Variants in NINL observed in about 807,000 individuals in gnomAD.
NINL encodes ninein-like protein.
Under a neutral mutation model 160.3 loss-of-function variants are expected in NINL, and 153 were observed. The observed-to-expected ratio is 0.95, with a 90% CI of 0.84 to 1.09. NINL has a LOEUF of 1.09. Ranked by LOEUF, NINL falls within the 50% of genes least tolerant of loss-of-function variation. The probability of loss-of-function intolerance (pLI) is 0.00; values close to 1 mark genes in which losing one functional copy is unlikely to be tolerated. For synonymous variants in NINL, 800 were observed against 734.8 expected (o/e 1.09, Z -1.43); for missense variants, 1,829 against 1,764.0 (o/e 1.04, Z -0.66).
intron 1 of NINL, among the ~76,000 whole-genome samples, chr20:25,572,052 G>C (rs1698344420): frequency 6.6e-6 from 1 of 152,016 alleles, no homozygotes; most frequent in Admixed American, 6.6e-5. Flanking sequence ...CAGAAGCCTA[G>C]CACACACAGC....
chr20:25,470,772 A>G lies in NINL; in HGVS notation c.3249-677T>C, dbSNP rs138109042. 4.7e-3 allele frequency among the ~76,000 whole-genome samples: 722 copies of G among 152,264 alleles called. 2 individuals carry two copies. Among genetic ancestry groups the G allele is most frequent in the Middle Eastern group, 0.02 (6 of 294 alleles). On this transcript the variant is annotated intron_variant, in intron 17 of 23. Transcript: ENST00000278886. Reference sequence around the variant, plus strand: ...CTACTGGGGAGGCTGAGGCAGGAAGACTGCTTGAGCCCAGGAGTTTGAGAC... The same window carrying G: ...CTACTGGGGAGGCTGAGGCAGGAAGGCTGCTTGAGCCCAGGAGTTTGAGAC...
intron 9 of NINL, among the ~76,000 whole-genome samples, chr20:25,497,372 C>T (rs897758708): frequency 1.3e-5 from 2 of 152,224 alleles, no homozygotes; most frequent in East Asian, 1.9e-4. Context: ...TGTTTCCCCA[C>T]GAAAGGAGCT....
intron 15 of NINL, 85 bp downstream of exon 15, chr20:25,480,076 G>T: frequency 1.1e-6 from 1 of 944,924 alleles, no homozygotes. Flanking sequence ...GCAGACGCAT[G>T]TGGAAATGTC....
chr20:25,569,794 C>G (rs1257862943), intron 1 of NINL, among the ~76,000 whole-genome samples: 1 of 152,172 alleles, frequency 6.6e-6, no homozygotes, highest in Non-Finnish European at 1.5e-5. Context: ...CACAACTGAG[C>G]CCCACTACCC....
At chr20:25,472,324 GATATATATATATATAT>G (rs56260321) in intron 17 of NINL, among the ~76,000 whole-genome samples, 12,616 of 83,962 alleles carry the variant, frequency 0.15, 1,116 homozygotes, top group African/African-American at 0.23. Context: ...GGGAGGAGAG[GATATATATATATATAT>G]ATATATATAT....
chr20:25,543,963 T>G (rs570679217), intron 1 of NINL, among the ~76,000 whole-genome samples: 1 of 130,340 alleles, frequency 7.7e-6, no homozygotes, highest in Non-Finnish European at 1.6e-5. Context: ...GGCCTAATTT[T>G]TATATATAAT....
chr20:25,558,132 C>T (rs2064890697), intron 1 of NINL, among the ~76,000 whole-genome samples: 1 of 152,202 alleles, frequency 6.6e-6, no homozygotes, highest in South Asian at 2.1e-4. Context: ...AAGAGCAAGA[C>T]TCCATCTCAA....
intron 1 of NINL, among the ~76,000 whole-genome samples, chr20:25,570,816 C>CCTCA (rs2065046651): frequency 6.7e-6 from 1 of 149,668 alleles, no homozygotes; most frequent in Admixed American, 6.8e-5. Context: ...GATTCTCCTG[C>CCTCA]CTCAGCCTCT....
intron 17 of NINL, among the ~76,000 whole-genome samples, chr20:25,471,732 A>G (rs974508642): frequency 2.0e-5 from 3 of 152,244 alleles, no homozygotes; most frequent in African/African-American, 7.2e-5. Flanking sequence ...TGCACTGTGG[A>G]CACCTGCACC....
chr20:25,536,860 C>T (rs2064565380), intron 1 of NINL, among the ~76,000 whole-genome samples: 1 of 152,186 alleles, frequency 6.6e-6, no homozygotes, highest in East Asian at 1.9e-4. Flanking sequence ...AGCAAAAATG[C>T]ACAGTGGCCA....
At chr20:25,483,192 G>A (rs895544285) in intron 13 of NINL, among the ~76,000 whole-genome samples, 1 of 151,712 alleles carries the variant, frequency 6.6e-6, no homozygotes, top group African/African-American at 2.4e-5. Flanking sequence ...AAACTAGCCA[G>A]GCGTGGTGGT....
chr20:25,480,239 T>C lies in NINL; in HGVS notation c.1839A>G (p.Pro613=), dbSNP rs781048152. 1 of 1,613,998 alleles carries C rather than the reference T, an allele frequency of 6.2e-7. No homozygotes were observed. Among genetic ancestry groups the C allele is most frequent in the South Asian group, 1.1e-5 (1 of 91,064 alleles). Residue 613 remains proline (P), a synonymous_variant, in exon 15 of 24, where the codon CCA becomes CCG. Coordinates refer to ENST00000278886, the MANE Select transcript of NINL (RefSeq NM_025176.6). ...TCATCAGCTCCGTTTCTATACTCAC[T>C]GGAGCAGAATTACCCAGGAATGAAA... ...AGISFLGNSA[P]VSIETELMME...
intron 17 of NINL, among the ~76,000 whole-genome samples, chr20:25,474,577 A>G (rs1265627338): frequency 1.3e-5 from 2 of 152,132 alleles, no homozygotes; most frequent in African/African-American, 2.4e-5. Context: ...ATAAGCAAAA[A>G]CAGGAAATTT....
intron 1 of NINL, among the ~76,000 whole-genome samples, chr20:25,547,768 C>T (rs537700148): frequency 3.3e-5 from 5 of 152,256 alleles, no homozygotes; most frequent in East Asian, 3.9e-4. Context: ...CTTCAACATC[C>T]GAATTCTGGG....
rs71312677 is a variant in NINL at position 25,464,417 on chromosome 20, A to AAAACAAAC, written c.3424-1884_3424-1877dup. 1.4e-3 allele frequency among the ~76,000 whole-genome samples: 217 copies of AAAACAAAC among 151,574 alleles called. 1 individual carries two copies. The highest frequency in any genetic ancestry group is 3.9e-3 in the East Asian group (20 of 5,102). On this transcript the variant is annotated intron_variant, in intron 19 of 23. Transcript: ENST00000278886. ...GAGTGACAGAACAAGACTCCATCTCAAAACAAACAAACAAACAAACAAACA... is the reference window on the plus strand; with the variant it reads ...GAGTGACAGAACAAGACTCCATCTCAAAACAAACAAACAAACAAACAAACAAACAAACA...
chr20:25,510,413 G>A (rs558905165), intron 5 of NINL, among the ~76,000 whole-genome samples: 2 of 152,318 alleles, frequency 1.3e-5, no homozygotes, highest in East Asian at 1.9e-4. Context: ...AAAGTGTGAC[G>A]AACCACGATG....
At chr20:25,526,375 C>G (rs757011763) in intron 2 of NINL, 33 bp downstream of exon 2, 8 of 1,582,232 alleles carry the variant, frequency 5.1e-6, no homozygotes, top group Non-Finnish European at 6.9e-6. Flanking sequence ...AGACCCCGTG[C>G]TTTCCTTTAT....
At chr20:25,480,389 G>T in intron 14 of NINL, 122 bp from the exon 15 acceptor site, 2 of 704,898 alleles carry the variant, frequency 2.8e-6, no homozygotes, top group Non-Finnish European at 2.5e-6. Flanking sequence ...TGGCTGTGAG[G>T]ATGACGCTGC....
At chr20:25,550,358 C>T (rs1296922806) in intron 1 of NINL, among the ~76,000 whole-genome samples, 3 of 152,226 alleles carry the variant, frequency 2.0e-5, no homozygotes, top group Admixed American at 2.0e-4. Flanking sequence ...GGGGCCTGCC[C>T]CTCCACACCT....
Sources: gnomAD v4.1 joint callset for allele counts (sites outside exome capture counted in the v4.1 genomes callset) on GRCh38, gnomAD v4.1.1 for gene constraint, MANE v1.5 for transcripts, NCBI Gene and HGNC (gene_info 2026-07-23, HGNC 2026-07-21) for gene names.